RXFP2: variants seen among roughly 807,000 people sequenced by gnomAD.
RXFP2 encodes relaxin receptor 2.
RXFP2 carries 68 observed loss-of-function variants against 88.6 expected under a neutral mutation model. The observed-to-expected ratio is 0.77, with a 90% CI of 0.63 to 0.94. The LOEUF (loss-of-function observed/expected upper bound fraction) is 0.94. Among genes scored for constraint, RXFP2 ranks in the 40% least tolerant of loss-of-function variants. RXFP2 has a pLI of 0.00. For synonymous variants in RXFP2, 329 were observed against 306.8 expected (o/e 1.07, Z -0.76); for missense variants, 791 against 893.9 (o/e 0.88, Z 1.47).
intron 7 of RXFP2, among the ~76,000 whole-genome samples, chr13:31,776,248 T>C: frequency 7.8e-6 from 1 of 128,544 alleles, no homozygotes; most frequent in Non-Finnish European, 1.6e-5. Flanking sequence ...CTTCCCTCTT[T>C]CCTTCTTTTT....
chr13:31,751,567 C>A (rs1320918096), intron 1 of RXFP2, among the ~76,000 whole-genome samples: 8 of 152,278 alleles, frequency 5.3e-5, no homozygotes. Flanking sequence ...ACATACACTG[C>A]AGCCTGGGAT....
intron 16 of RXFP2, among the ~76,000 whole-genome samples, chr13:31,796,877 G>A (rs1874075901): frequency 6.6e-6 from 1 of 152,160 alleles, no homozygotes; most frequent in Non-Finnish European, 1.5e-5. Context: ...GCCACAAGTG[G>A]AAAATTCCAC....
chr13:31,769,177 A>G (rs190280054), intron 5 of RXFP2, among the ~76,000 whole-genome samples: 27 of 152,378 alleles, frequency 1.8e-4, no homozygotes, highest in African/African-American at 6.3e-4. Flanking sequence ...AACAAAGTTT[A>G]AAATATATAA....
intron 17 of RXFP2, 34 bp from the exon 18 acceptor site, chr13:31,802,112 C>CAACTTTTTTTTCACACTTTGCT (rs1874373377): frequency 6.2e-7 from 1 of 1,610,662 alleles, no homozygotes. Flanking sequence ...TTTAAAACTT[C>CAACTTTTTTTTCACACTTTGCT]AACTTTTTTT....
intron 8 of RXFP2, 60 bp downstream of exon 8, chr13:31,777,507 A>G: frequency 8.1e-7 from 1 of 1,229,606 alleles, no homozygotes; most frequent in Non-Finnish European, 1.2e-6. Context: ...ATCTAGCACT[A>G]GCTTACAAAA....
intron 1 of RXFP2, among the ~76,000 whole-genome samples, chr13:31,755,093 T>C (rs1871876164): frequency 6.6e-6 from 1 of 152,166 alleles, no homozygotes; most frequent in Admixed American, 6.5e-5. Context: ...AATTCTACTA[T>C]AAATGTGAGG....
chr13:31,791,714 T>C (rs778995649), intron 14 of RXFP2, 92 bp from the exon 15 acceptor site: 94 of 855,078 alleles, frequency 1.1e-4, no homozygotes, highest in Non-Finnish European at 1.9e-4. Flanking sequence ...TGAAGTTGTA[T>C]ACCTAGCATG....
chr13:31,759,781 A>G (rs1872209850), intron 2 of RXFP2, among the ~76,000 whole-genome samples: 1 of 152,102 alleles, frequency 6.6e-6, no homozygotes, highest in African/African-American at 2.4e-5. Context: ...ACCATCCATC[A>G]AAGTGGGGCA....
At chr13:31,792,450 A>AT (rs200206275) in intron 15 of RXFP2, among the ~76,000 whole-genome samples, 2,014 of 152,258 alleles carry the variant, frequency 0.013, 26 homozygotes, top group Non-Finnish European at 0.021. Flanking sequence ...TCCCATTCCG[A>AT]TTTTTTTAAA....
intron 1 of RXFP2, among the ~76,000 whole-genome samples, chr13:31,751,042 C>A (rs1168461285): frequency 1.3e-5 from 2 of 152,116 alleles, no homozygotes; most frequent in Admixed American, 6.6e-5. Context: ...GTAATCCCAG[C>A]ACTTTGGGAG....
At chr13:31,801,557 A>G (rs1874345225) in intron 17 of RXFP2, among the ~76,000 whole-genome samples, 1 of 152,080 alleles carries the variant, frequency 6.6e-6, no homozygotes, top group African/African-American at 2.4e-5. Context: ...TTCACCTCAC[A>G]AAGAACTTCT....
intron 13 of RXFP2, among the ~76,000 whole-genome samples, chr13:31,787,797 G>C (rs1298321559): frequency 2.0e-5 from 3 of 152,284 alleles, no homozygotes; most frequent in African/African-American, 7.2e-5. Flanking sequence ...ACGCCGCCAT[G>C]CCAGGCTACT....
intron 2 of RXFP2, among the ~76,000 whole-genome samples, chr13:31,759,527 A>G (rs1355297397): frequency 6.6e-6 from 1 of 152,028 alleles, no homozygotes; most frequent in Non-Finnish European, 1.5e-5. Context: ...CTGAAACAGG[A>G]TGATGTGTTT....
Position 31,782,757 on chromosome 13 carries a change from A to G in RXFP2, c.929+10A>G. ...AAAATTTAGGAGAACTGTAAGTAGC[A>G]TCGTCTACTAGGAAAATATGATTGC... On this transcript the variant is annotated intron_variant, in intron 11 of 17. Coordinates refer to ENST00000298386, the MANE Select transcript of RXFP2 (RefSeq NM_130806.5). 1 of 1,501,148 alleles carries G rather than the reference A, an allele frequency of 6.7e-7. No individual in the cohort carries two copies. The highest frequency in any genetic ancestry group is 9.3e-7 in the Non-Finnish European group (1 of 1,077,422). The allele number at this position is 1,501,148 out of a possible 1,614,324, so 93.0% of individuals were successfully genotyped here.
intron 1 of RXFP2, among the ~76,000 whole-genome samples, chr13:31,739,971 T>C (rs568130862): frequency 4.7e-4 from 72 of 152,332 alleles, no homozygotes; most frequent in Non-Finnish European, 7.9e-4. Context: ...ATGTTGACTA[T>C]ATCAATTAAA....
intron 1 of RXFP2, among the ~76,000 whole-genome samples, chr13:31,748,588 T>C (rs925366128): frequency 2.6e-5 from 4 of 152,352 alleles, no homozygotes; most frequent in Non-Finnish European, 4.4e-5. Flanking sequence ...TTCATTTTTC[T>C]TTATTGATTA....
Position 31,786,374 on chromosome 13 carries a change from C to T in RXFP2, c.930-9C>T, listed in dbSNP as rs113551642. On this transcript the variant is annotated splice_polypyrimidine_tract_variant and intron_variant, in intron 11 of 17. Transcript: ENST00000298386. The stretch of plus-strand genomic sequence containing the variant: ...AGTAATTGCTTTGGGTTTTCATTGT[C>T]GTCAACAGGGATCTGTCTAGCAATA... The T allele has an allele frequency of 1.3e-5, 20 of 1,587,016 alleles. No homozygotes were observed. The highest frequency in any genetic ancestry group is 2.2e-5 in the East Asian group (1 of 44,678).
intron 17 of RXFP2, among the ~76,000 whole-genome samples, chr13:31,797,985 C>T (rs1874136434): frequency 6.6e-6 from 1 of 152,328 alleles, no homozygotes. Context: ...TCTGAAGCCC[C>T]TTCTGGAATC....
intron 1 of RXFP2, among the ~76,000 whole-genome samples, chr13:31,755,465 G>C (rs1352749679): frequency 6.6e-6 from 1 of 152,056 alleles, no homozygotes; most frequent in Non-Finnish European, 1.5e-5. Context: ...GTAGGTGTGT[G>C]TTGGGAGCGT....
Sources: allele counts gnomAD v4.1 joint callset (sites outside exome capture counted in the v4.1 genomes callset), GRCh38; gene constraint gnomAD v4.1.1; transcripts MANE v1.5; gene names NCBI Gene and HGNC (gene_info 2026-07-23, HGNC 2026-07-21).